Variants in ZBTB16 observed in about 807,000 individuals in gnomAD.
The protein encoded by ZBTB16 is zinc finger and BTB domain containing 16, also known as zinc finger and BTB domain-containing protein 16.
In ZBTB16, 8 loss-of-function variants were observed where a neutral mutation model predicts 56.8. That is an observed-to-expected ratio of 0.14 (90% CI 0.08 to 0.25). The LOEUF (loss-of-function observed/expected upper bound fraction) is 0.25. Ranked by LOEUF, ZBTB16 falls within the 10% of genes least tolerant of loss-of-function variation. The pLI is 1.00. For missense variants in ZBTB16, 625 were observed against 903.0 expected (o/e 0.69, Z 3.95); for synonymous variants, 363 against 368.5 (o/e 0.98, Z 0.17).
At chr11:114,170,899 G>A (rs963534432) in intron 3 of ZBTB16, among the ~76,000 whole-genome samples, 14 of 152,300 alleles carry the variant, frequency 9.2e-5, no homozygotes, top group South Asian at 2.1e-4. Flanking sequence ...ATATGAGCCC[G>A]GGATAAAGGC....
intron 3 of ZBTB16, among the ~76,000 whole-genome samples, chr11:114,185,846 A>T (rs976529349): frequency 1.3e-5 from 2 of 152,264 alleles, no homozygotes; most frequent in African/African-American, 2.4e-5. Flanking sequence ...TCATCTTGAC[A>T]TGGTGGCATT....
chr11:114,246,621 G>T (rs1944822322), intron 5 of ZBTB16, among the ~76,000 whole-genome samples: 1 of 152,194 alleles, frequency 6.6e-6, no homozygotes, highest in South Asian at 2.1e-4. Context: ...GAACTAAAGG[G>T]AAGCGTCCAC....
intron 2 of ZBTB16, among the ~76,000 whole-genome samples, chr11:114,066,057 T>G (rs143163840): frequency 5.3e-4 from 80 of 152,322 alleles, no homozygotes; most frequent in African/African-American, 1.8e-3. Context: ...CTGTTGTCAT[T>G]GACGACAGCA....
chr11:114,148,980 T>C (rs1455962023), intron 2 of ZBTB16, among the ~76,000 whole-genome samples: 1 of 152,052 alleles, frequency 6.6e-6, no homozygotes, highest in Non-Finnish European at 1.5e-5. Context: ...CTTGTTTGTT[T>C]GCTCATTCAG....
rs1224064756 is a variant in ZBTB16, at chr11:114,242,221, G to A, written c.1508G>A (p.Ser503Asn). ...LLCGKRFQAQ[S>N]ALQQHMEVHA... ...TGTGGGAAGCGCTTCCAGGCGCAGA[G>A]CGCACTGCAGCAGCACATGGAGGTC... The change falls in exon 5 of 7, where the codon AGC (serine) becomes AAC (asparagine). Residue 503 changes from serine to asparagine, a missense_variant. Coordinates refer to ENST00000335953, the MANE Select transcript of ZBTB16 (RefSeq NM_006006.6). 2 of 1,613,940 alleles carry A rather than the reference G, an allele frequency of 1.2e-6. No individual in the cohort carries two copies. The highest frequency in any genetic ancestry group is 1.7e-6 in the Non-Finnish European group (2 of 1,179,970).
At chr11:114,176,308 A>G (rs191572606) in intron 3 of ZBTB16, among the ~76,000 whole-genome samples, 1 of 152,282 alleles carries the variant, frequency 6.6e-6, no homozygotes, top group East Asian at 1.9e-4. Flanking sequence ...TTACTCTTAT[A>G]TCCCTGGCTT....
At chr11:114,128,908 C>A (rs1170340789) in intron 2 of ZBTB16, among the ~76,000 whole-genome samples, 2 of 152,152 alleles carry the variant, frequency 1.3e-5, no homozygotes, top group Admixed American at 6.5e-5. Flanking sequence ...TCCAAGACCC[C>A]AAATAGAGTT....
intron 2 of ZBTB16, among the ~76,000 whole-genome samples, chr11:114,066,349 G>A (rs573284482): frequency 6.6e-6 from 1 of 152,312 alleles, no homozygotes; most frequent in East Asian, 1.9e-4. Context: ...CCACTAAGGT[G>A]TGTCTTCTTG....
Position 114,250,730 on chromosome 11 carries a change from C to A in ZBTB16, c.*175C>A. The A allele has an allele frequency of 1.4e-6, 1 of 690,690 alleles. No homozygotes were observed. The highest frequency in any genetic ancestry group is 2.4e-6 in the Non-Finnish European group (1 of 416,706). The allele number at this position is 690,690 out of a possible 1,614,324, so 42.8% of individuals were successfully genotyped here. A position where few individuals can be genotyped will look rare whatever the true frequency, so the allele number is the denominator to read the frequency against. On this transcript the variant is annotated 3_prime_UTR_variant, in exon 7 of 7. Transcript: ENST00000335953. This position sits in a 1 kb window ranked among gnomAD's most constrained non-coding sequence, Gnocchi z 6.0. ...TCTGGGCTCCAGATGACCTGGATGC[C>A]AAGCCACTGCCCCTCCTCTGGGGGC...
intron 2 of ZBTB16, among the ~76,000 whole-genome samples, chr11:114,145,552 T>C (rs1185624578): frequency 6.6e-6 from 1 of 152,200 alleles, no homozygotes; most frequent in African/African-American, 2.4e-5. Flanking sequence ...GGGTGCATAT[T>C]GTATGATACC....
At chr11:114,088,025 T>A (rs1940024731) in intron 2 of ZBTB16, among the ~76,000 whole-genome samples, 1 of 152,084 alleles carries the variant, frequency 6.6e-6, no homozygotes, top group Admixed American at 6.5e-5. Flanking sequence ...GTAAATGCCC[T>A]CTCCTTGCAG....
chr11:114,081,473 A>T (rs1274865563), intron 2 of ZBTB16, among the ~76,000 whole-genome samples: 1 of 152,172 alleles, frequency 6.6e-6, no homozygotes, highest in Non-Finnish European at 1.5e-5. Context: ...AGTTGAAATG[A>T]CTTCTGTCTG....
chr11:114,188,356 T>C (rs1943412216), intron 4 of ZBTB16: 1 of 152,224 alleles, frequency 6.6e-6, no homozygotes, highest in Non-Finnish European at 1.5e-5. Context: ...TAGAGTCTTA[T>C]AGTTCAGAGC....
chr11:114,178,490 G>A (rs145967355), intron 3 of ZBTB16, among the ~76,000 whole-genome samples: 13 of 152,238 alleles, frequency 8.5e-5, no homozygotes, highest in Admixed American at 3.9e-4. Flanking sequence ...TCCAGAGAGC[G>A]TGCTCTTCAC....
In ZBTB16 at chr11:114,250,354, C is replaced by T. The variant is rs1565710099; in HGVS notation, c.1821C>T (p.Cys607=). ...TGEKPFECKL[C]HQRSRDYSAM... ...AGAAGCCCTTTGAGTGTAAGCTCTG[C>T]CACCAGCGCTCCCGGGACTACTCGG... Residue 607 remains cysteine (C), a synonymous_variant, in exon 7 of 7, where the codon TGC becomes TGT. Transcript: ENST00000335953. This position sits in a 1 kb window ranked among gnomAD's most constrained non-coding sequence, Gnocchi z 6.0. 1 of 1,613,502 alleles carries T rather than the reference C, an allele frequency of 6.2e-7. No homozygotes were observed. The highest frequency in any genetic ancestry group is 8.5e-7 in the Non-Finnish European group (1 of 1,180,024).
intron 2 of ZBTB16, among the ~76,000 whole-genome samples, chr11:114,070,360 G>A (rs980943908): frequency 4.6e-5 from 7 of 151,340 alleles, no homozygotes; most frequent in South Asian, 2.1e-4. Flanking sequence ...CACCCGCCTC[G>A]GCCTCCCAAA....
intron 5 of ZBTB16, 102 bp from the exon 6 acceptor site, chr11:114,247,096 T>C: frequency 6.5e-7 from 1 of 1,529,570 alleles, no homozygotes; most frequent in African/African-American, 1.4e-5. Flanking sequence ...AGGTGGTGAA[T>C]ACAGGCCGTC....
intron 3 of ZBTB16, among the ~76,000 whole-genome samples, chr11:114,175,978 GGTGTGTGT>G (rs34506617): frequency 2.7e-5 from 4 of 148,050 alleles, no homozygotes; most frequent in African/African-American, 1.0e-4. Flanking sequence ...AGGGGAGAGG[GGTGTGTGT>G]GTGTGTGTGT....
chr11:114,215,486 C>T (rs933819825), intron 4 of ZBTB16, among the ~76,000 whole-genome samples: 1 of 152,224 alleles, frequency 6.6e-6, no homozygotes, highest in Admixed American at 6.5e-5. Context: ...ATTCAGATGT[C>T]TCTCTGGTGC....
Sources: allele counts gnomAD v4.1 joint callset (sites outside exome capture counted in the v4.1 genomes callset), GRCh38; gene constraint gnomAD v4.1.1; non-coding constraint Gnocchi (gnomAD v3.1); transcripts MANE v1.5; gene names NCBI Gene and HGNC (gene_info 2026-07-23, HGNC 2026-07-21).